The following FRMPD4 variants were observed in gnomAD, a reference collection of about 807,000 sequenced individuals.
FRMPD4 encodes the protein FERM and PDZ domain containing 4, also known as FERM and PDZ domain-containing protein 4.
Under a neutral mutation model 94.1 loss-of-function variants are expected in FRMPD4, and 22 were observed. That is an observed-to-expected ratio of 0.23 (90% CI 0.17 to 0.33). FRMPD4 has a LOEUF of 0.33. Ranked by LOEUF, FRMPD4 falls within the 10% of genes least tolerant of loss-of-function variation. The pLI is 1.00. For missense variants in FRMPD4, 1,111 were observed against 1,339.9 expected (o/e 0.83, Z 2.67); for synonymous variants, 631 against 548.6 (o/e 1.15, Z -2.10).
At chrX:12,617,090 G>A (rs762972634) in intron 4 of FRMPD4, among the ~76,000 whole-genome samples, 1 of 111,832 alleles carries the variant, frequency 8.9e-6, no homozygotes, top group Non-Finnish European at 1.9e-5. Context: ...TGGCATATCT[G>A]TAAAAAAAGC....
At chrX:12,313,719 C>A (rs777764440) in intron 1 of FRMPD4, among the ~76,000 whole-genome samples, 2 of 111,709 alleles carry the variant, frequency 1.8e-5, no homozygotes, top group East Asian at 5.6e-4. Flanking sequence ...TCATTCATTT[C>A]ATTCATCTTA....
chrX:12,193,782 G>A (rs761258528), intron 1 of FRMPD4, among the ~76,000 whole-genome samples: 8,242 of 25,744 alleles, frequency 0.32, 1,486 homozygotes, highest in East Asian at 0.49. Flanking sequence ...AAGGAAGGAA[G>A]GAAGGAAGGA....
At chrX:12,002,428 T>C (rs1037201180) in intron 3 of FRMPD4, among the ~76,000 whole-genome samples, 6 of 112,240 alleles carry the variant, frequency 5.3e-5, no homozygotes, top group Non-Finnish European at 1.1e-4. Context: ...GATGATGCTA[T>C]GGACTCATTT....
chrX:12,565,457 A>G (rs1269728948), intron 2 of FRMPD4, among the ~76,000 whole-genome samples: 1 of 112,501 alleles, frequency 8.9e-6, no homozygotes, highest in African/African-American at 3.2e-5. Context: ...TAATATAACA[A>G]GAAGGGCACA....
intron 14 of FRMPD4, among the ~76,000 whole-genome samples, chrX:12,713,040 C>T (rs1029697441): frequency 9.2e-6 from 1 of 109,274 alleles, no homozygotes; most frequent in African/African-American, 3.3e-5. Context: ...CACACTATTG[C>T]ACTCCAGCCT....
chrX:12,337,623 C>T (rs1412569320), intron 1 of FRMPD4, among the ~76,000 whole-genome samples: 8 of 111,613 alleles, frequency 7.2e-5, no homozygotes, highest in African/African-American at 1.6e-4. Flanking sequence ...AGGTGCTTTG[C>T]GACAGTGATT....
chrX:12,017,880 G>A (rs1376503131), intron 3 of FRMPD4, among the ~76,000 whole-genome samples: 2 of 111,441 alleles, frequency 1.8e-5, no homozygotes, highest in Non-Finnish European at 3.8e-5. Context: ...ACTGGAGCAT[G>A]GTATGTATTT....
At chrX:12,500,759 G>A (rs2057910932) in intron 2 of FRMPD4, among the ~76,000 whole-genome samples, 2 of 111,458 alleles carry the variant, frequency 1.8e-5, no homozygotes. Flanking sequence ...ATTTCATACC[G>A]TTTGTCCAAG....
At chrX:12,298,001 T>A (rs939193968) in intron 1 of FRMPD4, among the ~76,000 whole-genome samples, 1 of 111,491 alleles carries the variant, frequency 9.0e-6, no homozygotes, top group Non-Finnish European at 1.9e-5. Context: ...ATAATCATAT[T>A]AATAATTAAG....
At chrX:12,639,804 C>A (rs2059477328) in intron 4 of FRMPD4, among the ~76,000 whole-genome samples, 2 of 111,495 alleles carry the variant, frequency 1.8e-5, no homozygotes, top group Admixed American at 1.9e-4. Context: ...TGAAGAGGCT[C>A]AAAGAGGTGT....
chrX:12,571,234 T>C (rs2058758069), intron 2 of FRMPD4, among the ~76,000 whole-genome samples: 1 of 112,582 alleles, frequency 8.9e-6, no homozygotes, highest in Admixed American at 9.4e-5. Context: ...ATCACAACAA[T>C]AAAATTCTTA....
At chrX:12,706,720 G>T in intron 11 of FRMPD4, 106 bp from the exon 12 acceptor site, 1 of 434,084 alleles carries the variant, frequency 2.3e-6, no homozygotes, top group Non-Finnish European at 4.0e-6. Context: ...CAACTTTTCA[G>T]CCGTAAAATC....
At chrX:11,990,870 T>C (rs1036997261) in intron 3 of FRMPD4, among the ~76,000 whole-genome samples, 2 of 111,902 alleles carry the variant, frequency 1.8e-5, no homozygotes, top group African/African-American at 6.5e-5. Context: ...CATGCTAATG[T>C]AGAAGCTTGA....
At chrX:12,470,002 C>A (rs2057492090) in intron 1 of FRMPD4, among the ~76,000 whole-genome samples, 1 of 111,747 alleles carries the variant, frequency 8.9e-6, no homozygotes, top group Non-Finnish European at 1.9e-5. Flanking sequence ...ACTGATTTCC[C>A]CTCCTTAGTC....
chrX:12,579,183 T>G (rs780040554), intron 2 of FRMPD4, among the ~76,000 whole-genome samples: 8 of 112,438 alleles, frequency 7.1e-5, no homozygotes, highest in African/African-American at 2.6e-4. Context: ...ATATATAAAA[T>G]GTTGCTGTTT....
At chrX:12,318,899 A>T (rs191439662) in intron 1 of FRMPD4, among the ~76,000 whole-genome samples, 103 of 106,520 alleles carry the variant, frequency 9.7e-4, no homozygotes, top group African/African-American at 3.3e-3. Context: ...AAAAATAATT[A>T]AAAAAAAAAC....
At chrX:12,261,068 C>T (rs908734135) in intron 1 of FRMPD4, among the ~76,000 whole-genome samples, 1 of 111,266 alleles carries the variant, frequency 9.0e-6, no homozygotes, top group African/African-American at 3.3e-5. Context: ...AGAAGCTTGT[C>T]CCAGTACCGA....
intron 1 of FRMPD4, among the ~76,000 whole-genome samples, chrX:12,490,072 C>T (rs1314506030): frequency 1.8e-5 from 2 of 111,309 alleles, no homozygotes; most frequent in Non-Finnish European, 3.8e-5. Flanking sequence ...GCACTGGATG[C>T]TTGAAAAAGA....
intron 4 of FRMPD4, among the ~76,000 whole-genome samples, chrX:12,629,809 C>T (rs962794345): frequency 2.7e-5 from 3 of 112,060 alleles, no homozygotes; most frequent in Admixed American, 9.5e-5. Context: ...TGGCCTGTAG[C>T]AAGTTAGGTC....
Sources: gnomAD v4.1 joint callset for allele counts (sites outside exome capture counted in the v4.1 genomes callset) on GRCh38, gnomAD v4.1.1 for gene constraint, MANE v1.5 for transcripts, NCBI Gene and HGNC (gene_info 2026-07-23, HGNC 2026-07-21) for gene names.